The following FAM177A1 variants were observed in gnomAD, a reference collection of about 807,000 sequenced individuals.
The protein encoded by FAM177A1 is protein FAM177A1.
Under a neutral mutation model 26.1 loss-of-function variants are expected in FAM177A1, and 22 were observed. The observed-to-expected ratio is 0.84, with a 90% CI of 0.60 to 1.20. The LOEUF (loss-of-function observed/expected upper bound fraction) is 1.20. Ranked by LOEUF, FAM177A1 falls within the 50% of genes most tolerant of loss-of-function variation. The probability of loss-of-function intolerance (pLI) is 0.00; values close to 1 mark genes in which losing one functional copy is unlikely to be tolerated. For synonymous variants in FAM177A1, 95 were observed against 99.3 expected (o/e 0.96, Z 0.26); for missense variants, 296 against 291.1 (o/e 1.02, Z -0.12).
chr14:35,079,606 G>T (rs1465657541), intron 4 of FAM177A1, among the ~76,000 whole-genome samples: 1 of 152,066 alleles, frequency 6.6e-6, no homozygotes, highest in East Asian at 1.9e-4. Context: ...TGTAACCTTG[G>T]ACAGAACACT....
intron 3 of FAM177A1, among the ~76,000 whole-genome samples, chr14:35,077,734 G>A (rs146426789): frequency 0.012 from 1,770 of 149,988 alleles, 46 homozygotes; most frequent in African/African-American, 0.041. Flanking sequence ...CACCCGCCTC[G>A]GCCTCCCAAA....
intron 2 of FAM177A1, among the ~76,000 whole-genome samples, chr14:35,055,388 A>G (rs2045044964): frequency 1.3e-5 from 2 of 151,426 alleles, no homozygotes; most frequent in South Asian, 2.1e-4. Context: ...AAATGCAGGT[A>G]GAATATTAGG....
chr14:35,072,415 A>G (rs574834001), intron 2 of FAM177A1, among the ~76,000 whole-genome samples: 82 of 152,314 alleles, frequency 5.4e-4, no homozygotes, highest in Non-Finnish European at 9.0e-4. Context: ...CTGAGGAGGA[A>G]GAGGAGGGGT....
At chr14:35,071,040 A>G (rs1344456812) in intron 2 of FAM177A1, among the ~76,000 whole-genome samples, 2 of 149,322 alleles carry the variant, frequency 1.3e-5, no homozygotes, top group East Asian at 2.0e-4. Flanking sequence ...TCTGTTGCCC[A>G]TGCTGGAGTG....
intron 4 of FAM177A1, 90 bp from the exon 5 acceptor site, chr14:35,080,932 T>TTA: frequency 2.3e-6 from 3 of 1,303,886 alleles, no homozygotes; most frequent in South Asian, 2.2e-5. Flanking sequence ...TTTTTTTTTT[T>TTA]AAACATAAGC....
At chr14:35,067,967 C>T (rs916319302) in intron 2 of FAM177A1, among the ~76,000 whole-genome samples, 1 of 152,102 alleles carries the variant, frequency 6.6e-6, no homozygotes, top group African/African-American at 2.4e-5. Context: ...TCTCCCAATC[C>T]ATGGGTTGTC....
At chr14:35,070,434 A>G (rs535162763) in intron 2 of FAM177A1, among the ~76,000 whole-genome samples, 14 of 151,960 alleles carry the variant, frequency 9.2e-5, no homozygotes, top group Non-Finnish European at 1.5e-4. Flanking sequence ...GATTCAAGCA[A>G]TTCTCCTGCC....
rs1448107414 is a variant in FAM177A1 at position 35,081,504 on chromosome 14, A to T, written c.*276A>T. 4 of 224,052 alleles carry T rather than the reference A, an allele frequency of 1.8e-5. No homozygotes were observed. Among genetic ancestry groups the T allele is most frequent in the Non-Finnish European group, 3.4e-5 (4 of 116,360 alleles). 13.9% of individuals were successfully genotyped at this position (224,052 alleles called of 1,614,324 possible). ...GTTAAGGACATCCTAGAGCCTTAATAGTTAAGAAGAGTTAAATTATCAAGC... is the reference window on the plus strand; with the variant it reads ...GTTAAGGACATCCTAGAGCCTTAATTGTTAAGAAGAGTTAAATTATCAAGC... On this transcript the variant is annotated 3_prime_UTR_variant, in exon 5 of 5. Coordinates refer to ENST00000280987, the MANE Select transcript of FAM177A1 (RefSeq NM_173607.5).
chr14:35,058,675 G>T (rs1292863421), intron 2 of FAM177A1, among the ~76,000 whole-genome samples: 1 of 152,082 alleles, frequency 6.6e-6, no homozygotes, highest in Non-Finnish European at 1.5e-5. Context: ...AGGAGTTTGA[G>T]ACCAGCCTGG....
At chr14:35,058,892 A>T (rs2045104109) in intron 2 of FAM177A1, among the ~76,000 whole-genome samples, 1 of 152,092 alleles carries the variant, frequency 6.6e-6, no homozygotes, top group Non-Finnish European at 1.5e-5. Flanking sequence ...AAAAGGAAAA[A>T]AAAAGTCTGT....
chr14:35,054,281 C>G (rs118065343), intron 2 of FAM177A1, among the ~76,000 whole-genome samples: 1 of 152,118 alleles, frequency 6.6e-6, no homozygotes, highest in South Asian at 2.1e-4. Context: ...ATATACATTT[C>G]TGAACTTTGT....
At chr14:35,057,027 TTTG>T (rs1279231094) in intron 2 of FAM177A1, among the ~76,000 whole-genome samples, 1 of 152,182 alleles carries the variant, frequency 6.6e-6, no homozygotes, top group African/African-American at 2.4e-5. Context: ...CATGATTTTC[TTTG>T]TTGTTTTTCT....
At chr14:35,050,967 A>AT (rs2044958158) in intron 1 of FAM177A1, 1 of 151,832 alleles carries the variant, frequency 6.6e-6, no homozygotes, top group Non-Finnish European at 1.5e-5. Flanking sequence ...CTACTTGTTT[A>AT]TTTTTTTCAT....
chr14:35,064,047 CAAAAAAA>C (rs575915029), intron 2 of FAM177A1, among the ~76,000 whole-genome samples: 1 of 79,374 alleles, frequency 1.3e-5, no homozygotes, highest in Non-Finnish European at 2.4e-5. Context: ...GACTCTGTCT[CAAAAAAA>C]AAAAAAAAAA....
rs145890091 is a variant in FAM177A1, at chr14:35,065,938, G to A, written c.340-11212G>A. Among the ~76,000 whole-genome samples the A allele has an allele frequency of 4.3e-3, 647 of 152,112 alleles. 5 individuals are homozygous for A. Among genetic ancestry groups the A allele is most frequent in the Non-Finnish European group, 6.5e-3 (443 of 67,982 alleles). On this transcript the variant is annotated intron_variant, in intron 2 of 4. Coordinates refer to ENST00000280987, the MANE Select transcript of FAM177A1 (RefSeq NM_173607.5). ...AGGAGTTGGCCAGACTCCTGACCTC[G>A]TAATCCACCCACCTTGGCCTCCCAA...
intron 3 of FAM177A1, among the ~76,000 whole-genome samples, chr14:35,078,113 T>A (rs765381506): frequency 2.6e-5 from 4 of 152,338 alleles, no homozygotes; most frequent in Non-Finnish European, 5.9e-5. Context: ...AGTAATTGAT[T>A]CAACAAACAT....
rs1467831056 is a variant in FAM177A1 at position 35,062,639 on chromosome 14, A to G, written c.339+9188A>G. On this transcript the variant is annotated intron_variant, in intron 2 of 4. Coordinates refer to ENST00000280987, the MANE Select transcript of FAM177A1 (RefSeq NM_173607.5). ...GATAATATCTATGAAAACTCACTGA[A>G]AAGTGACTTGGCTGAGCACAGTGCC... Among the ~76,000 whole-genome samples, 10 of 152,174 alleles carry G rather than the reference A, an allele frequency of 6.6e-5. No individual in the cohort carries two copies. The South Asian group carries it at 2.1e-3, about 32-fold the overall frequency.
chr14:35,052,104 G>T (rs1012588031), intron 1 of FAM177A1, among the ~76,000 whole-genome samples: 1 of 152,092 alleles, frequency 6.6e-6, no homozygotes, highest in South Asian at 2.1e-4. Flanking sequence ...AAGAATAAAA[G>T]CCCTCCTTTG....
Position 35,081,317 on chromosome 14 carries a change from A to G in FAM177A1, c.*89A>G. On this transcript the variant is annotated 3_prime_UTR_variant, in exon 5 of 5. Transcript: ENST00000280987. ...TTCTTTATTCAGTGGGACTTAATACAATTATTTATATTTTAAATTATTAAA... is the reference window on the plus strand; with the variant it reads ...TTCTTTATTCAGTGGGACTTAATACGATTATTTATATTTTAAATTATTAAA... The G allele has an allele frequency of 8.6e-7, 1 of 1,168,328 alleles. No homozygotes were observed. The highest frequency in any genetic ancestry group is 1.2e-6 in the Non-Finnish European group (1 of 861,838). The allele number at this position is 1,168,328 out of a possible 1,614,324, so 72.4% of individuals were successfully genotyped here. A position where few individuals can be genotyped will look rare whatever the true frequency, so the allele number is the denominator to read the frequency against.
Sources: allele counts gnomAD v4.1 joint callset (sites outside exome capture counted in the v4.1 genomes callset), GRCh38; gene constraint gnomAD v4.1.1; transcripts MANE v1.5; gene names NCBI Gene and HGNC (gene_info 2026-07-23, HGNC 2026-07-21).